KDM6A: variants seen among roughly 807,000 people sequenced by gnomAD.
KDM6A encodes the protein lysine-specific demethylase 6A.
A neutral mutation model predicts 117.6 loss-of-function variants in KDM6A; 11 were observed. The ratio of observed to expected loss-of-function variants is 0.09; its 90% CI spans 0.06 to 0.15. KDM6A has a LOEUF of 0.15. Among genes scored for constraint, KDM6A ranks in the 10% least tolerant of loss-of-function variants. KDM6A has a pLI of 1.00. For missense variants in KDM6A, 799 were observed against 1,077.3 expected (o/e 0.74, Z 3.62); for synonymous variants, 384 against 396.1 (o/e 0.97, Z 0.36).
chrX:44,980,145 C>T (rs967084027), intron 4 of KDM6A, among the ~76,000 whole-genome samples: 3 of 107,800 alleles, frequency 2.8e-5, no homozygotes, highest in Non-Finnish European at 3.8e-5. Flanking sequence ...TATAGGCCCA[C>T]GCCACCACGC....
At chrX:44,967,533 C>T (rs2039091838) in intron 3 of KDM6A, among the ~76,000 whole-genome samples, 1 of 111,490 alleles carries the variant, frequency 9.0e-6, no homozygotes, top group Non-Finnish European at 1.9e-5. Flanking sequence ...ATTATTTGCC[C>T]TGATTCATAG....
intron 4 of KDM6A, among the ~76,000 whole-genome samples, chrX:44,988,876 A>G (rs1293850331): frequency 9.0e-6 from 1 of 110,943 alleles, no homozygotes; most frequent in Non-Finnish European, 1.9e-5. Flanking sequence ...TTGAGGAGGC[A>G]GTCTGTCCGT....
At chrX:44,873,875 C>A in intron 1 of KDM6A, 49 bp from the exon 2 acceptor site, 1 of 1,178,290 alleles carries the variant, frequency 8.5e-7, no homozygotes, top group Non-Finnish European at 1.2e-6. Flanking sequence ...AGGGACGGGT[C>A]GGTGGCGTTC....
intron 4 of KDM6A, among the ~76,000 whole-genome samples, chrX:44,983,436 A>C: frequency 9.0e-6 from 1 of 111,232 alleles, no homozygotes; most frequent in Non-Finnish European, 1.9e-5. Context: ...ATTATACTTT[A>C]AGTTTTAGGG....
intron 2 of KDM6A, among the ~76,000 whole-genome samples, chrX:44,938,202 C>G (rs144835493): frequency 9.0e-6 from 1 of 111,710 alleles, no homozygotes; most frequent in East Asian, 2.8e-4. Flanking sequence ...TCAAGCCATC[C>G]CCTTGCCTTG....
Position 45,013,415 on chromosome X carries a change from C to G in KDM6A, c.443+2396C>G, listed in dbSNP as rs190840218. Reference sequence around the variant, plus strand: ...CATACCTATGGCAATTTGTAAGCCTCTCTGTGTACTGGGGTTAAGAACATA... The same window carrying G: ...CATACCTATGGCAATTTGTAAGCCTGTCTGTGTACTGGGGTTAAGAACATA... On this transcript the variant is annotated intron_variant, in intron 5 of 29. Transcript: ENST00000611820. Among the ~76,000 whole-genome samples the G allele has an allele frequency of 8.0e-5, 9 of 111,835 alleles. No homozygotes were observed. The East Asian group carries it at 2.5e-3, about 31-fold the overall frequency.
intron 2 of KDM6A, among the ~76,000 whole-genome samples, chrX:44,899,224 CGT>C (rs572085670): frequency 0.25 from 12,436 of 48,979 alleles, 1,161 homozygotes; most frequent in East Asian, 0.37. Context: ...TGTGTGTATG[CGT>C]GTGTGTGTGT....
chrX:45,109,359 G>A (rs1343888816), intron 28 of KDM6A, among the ~76,000 whole-genome samples: 1 of 110,976 alleles, frequency 9.0e-6, no homozygotes, highest in Non-Finnish European at 1.9e-5. Context: ...CACTAGGTTT[G>A]TATTGCTGCT....
At chrX:44,994,293 C>T (rs1005771737) in intron 4 of KDM6A, among the ~76,000 whole-genome samples, 1 of 111,626 alleles carries the variant, frequency 9.0e-6, no homozygotes, top group African/African-American at 3.3e-5. Flanking sequence ...GTTCTCTTTA[C>T]TCCTATGAGA....
intron 2 of KDM6A, among the ~76,000 whole-genome samples, chrX:44,898,019 G>A (rs1410289748): frequency 9.0e-6 from 1 of 111,523 alleles, no homozygotes; most frequent in Non-Finnish European, 1.9e-5. Context: ...GCAGACTGGT[G>A]GGATGGAAGT....
intron 2 of KDM6A, among the ~76,000 whole-genome samples, chrX:44,901,755 C>T (rs1180636240): frequency 8.9e-6 from 1 of 112,057 alleles, no homozygotes; most frequent in African/African-American, 3.2e-5. Context: ...ATTTTTGTGA[C>T]TACATAGTAT....
At chrX:44,948,026 C>T (rs1333106788) in intron 2 of KDM6A, among the ~76,000 whole-genome samples, 1 of 111,491 alleles carries the variant, frequency 9.0e-6, no homozygotes, top group African/African-American at 3.3e-5. Context: ...CTTTGTAGAG[C>T]TTAAGAACTT....
At chrX:45,027,357 A>ACACACACACC (rs1240218799) in intron 6 of KDM6A, among the ~76,000 whole-genome samples, 12 of 110,646 alleles carry the variant, frequency 1.1e-4, no homozygotes, top group African/African-American at 4.0e-4. Context: ...ACACACACAC[A>ACACACACACC]CACACACACA....
At chrX:44,980,153 C>T (rs1328113558) in intron 4 of KDM6A, among the ~76,000 whole-genome samples, 1 of 105,743 alleles carries the variant, frequency 9.5e-6, no homozygotes, top group Non-Finnish European at 1.9e-5. Flanking sequence ...CACGCCACCA[C>T]GCCTGGCTAA....
chrX:44,882,905 A>G (rs1414673957), intron 2 of KDM6A, among the ~76,000 whole-genome samples: 1 of 111,405 alleles, frequency 9.0e-6, no homozygotes, highest in Non-Finnish European at 1.9e-5. Flanking sequence ...TATTAAGTGT[A>G]ATAATAAAGA....
chrX:45,085,833 G>T, intron 24 of KDM6A, 32 bp from the exon 25 acceptor site: 1 of 870,260 alleles, frequency 1.1e-6, no homozygotes, highest in Non-Finnish European at 1.7e-6. Flanking sequence ...TGCACCACTG[G>T]AGCTCCAATT....
At chrX:44,935,761 C>A (rs2036929097) in intron 2 of KDM6A, among the ~76,000 whole-genome samples, 1 of 111,501 alleles carries the variant, frequency 9.0e-6, no homozygotes, top group South Asian at 3.8e-4. Flanking sequence ...TGCAGTTGTC[C>A]GCTAGGGAAC....
intron 6 of KDM6A, among the ~76,000 whole-genome samples, chrX:45,031,393 T>C (rs1402480867): frequency 8.9e-6 from 1 of 112,450 alleles, no homozygotes; most frequent in Non-Finnish European, 1.9e-5. Context: ...TCTACCTTAA[T>C]TGGATATAGA....
In KDM6A at chrX:45,053,812, T is replaced by A. The variant is rs190081920; in HGVS notation, c.749-17T>A. 1.1e-3 allele frequency: 1,239 copies of A among 1,166,651 alleles called. 3 individuals are homozygous for A. In the East Asian group the frequency reaches 0.011, roughly 11 times the overall value. ...ATTAAGTCATTTATGTAAATTTTTT[T>A]AAATCATTTACTGTAGGTTGGATGC... is the stretch of plus-strand genomic sequence containing the variant. On this transcript the variant is annotated splice_polypyrimidine_tract_variant and intron_variant, in intron 9 of 29. Coordinates refer to ENST00000611820, the MANE Select transcript of KDM6A (RefSeq NM_001291415.2).
Sources: allele counts gnomAD v4.1 joint callset (sites outside exome capture counted in the v4.1 genomes callset), GRCh38; gene constraint gnomAD v4.1.1; transcripts MANE v1.5; gene names NCBI Gene and HGNC (gene_info 2026-07-23, HGNC 2026-07-21).